Variants in SELENOF observed in about 807,000 individuals in gnomAD.
The protein encoded by SELENOF is selenoprotein F.
A neutral mutation model predicts 20.5 loss-of-function variants in SELENOF; 16 were observed. That is an observed-to-expected ratio of 0.78 (90% CI 0.53 to 1.19). The LOEUF is 1.19. SELENOF is among the 50% of genes most tolerant of loss of function. The pLI is 0.00. For missense variants in SELENOF, 215 were observed against 194.2 expected, an observed-to-expected ratio of 1.11 and a Z score of -0.64; for synonymous variants, 78 against 74.5, an observed-to-expected ratio of 1.05 and a Z score of -0.24.
At chr1:86,877,143 C>G (rs980756946) in intron 3 of SELENOF, among the ~76,000 whole-genome samples, 18 of 152,098 alleles carry the variant, frequency 1.2e-4, no homozygotes, top group Admixed American at 6.5e-5. Flanking sequence ...CAGTAAGCAT[C>G]AATAAATATT....
At chr1:86,888,487 T>C (rs1291922163) in intron 2 of SELENOF, among the ~76,000 whole-genome samples, 2 of 152,090 alleles carry the variant, frequency 1.3e-5, no homozygotes, top group African/African-American at 4.8e-5. Context: ...GTTGCCCAGG[T>C]TGGTCTCAAA....
intron 3 of SELENOF, among the ~76,000 whole-genome samples, chr1:86,880,072 C>T (rs1025910417): frequency 2.0e-5 from 3 of 152,024 alleles, no homozygotes; most frequent in Admixed American, 6.6e-5. Flanking sequence ...AATTCCCACC[C>T]GGCAAAGGAA....
chr1:86,903,167 T>TA, intron 2 of SELENOF, 114 bp downstream of exon 2: 1 of 905,732 alleles, frequency 1.1e-6, no homozygotes, highest in Non-Finnish European at 1.6e-6. Flanking sequence ...TGAGTTTTAC[T>TA]AAAAAATGTA....
At chr1:86,868,875 A>G (rs534316595) in intron 3 of SELENOF, among the ~76,000 whole-genome samples, 1 of 152,290 alleles carries the variant, frequency 6.6e-6, no homozygotes, top group Admixed American at 6.5e-5. Context: ...ATTAAAAATA[A>G]AAATGATAAA....
chr1:86,884,376 CAT>C (rs750562310), intron 2 of SELENOF, among the ~76,000 whole-genome samples: 142 of 146,428 alleles, frequency 9.7e-4, no homozygotes, highest in Non-Finnish European at 1.2e-3. Context: ...CACACACACA[CAT>C]ATACACACAC....
chr1:86,903,234 A>G (rs573680), intron 2 of SELENOF, 47 bp downstream of exon 2: 317,692 of 1,512,976 alleles, frequency 0.21, 36,864 homozygotes, highest in African/African-American at 0.45. Flanking sequence ...TTTTTACCTT[A>G]TCTCAACTAA....
intron 1 of SELENOF, chr1:86,913,810 G>A (rs1362927717): frequency 3.4e-6 from 2 of 583,316 alleles, no homozygotes; most frequent in Admixed American, 3.0e-5. Flanking sequence ...ACGTACCCAA[G>A]ACAATCTGAA....
chr1:86,904,085 A>G lies in SELENOF; in HGVS notation c.85-637T>C, dbSNP rs542729076. On this transcript the variant is annotated intron_variant, in intron 1 of 4. Transcript: ENST00000331835. ...TTTTAAAAAGGAATTTTCTTATAAGAAAAAATAATTTTTGTTTCATTTTAA... is the reference window on the plus strand; with the variant it reads ...TTTTAAAAAGGAATTTTCTTATAAGGAAAAATAATTTTTGTTTCATTTTAA... Among the ~76,000 whole-genome samples, 10 of 152,336 alleles carry G rather than the reference A, an allele frequency of 6.6e-5. No individual in the cohort carries two copies. In the South Asian group the frequency reaches 1.9e-3, roughly 28 times the overall value.
intron 1 of SELENOF, among the ~76,000 whole-genome samples, chr1:86,912,461 C>T (rs1456882438): frequency 5.9e-5 from 9 of 152,154 alleles, no homozygotes; most frequent in East Asian, 1.9e-4. Context: ...TGTCATTCCT[C>T]CCATGTAGAG....
At chr1:86,885,094 C>T (rs1659179423) in intron 2 of SELENOF, among the ~76,000 whole-genome samples, 1 of 152,092 alleles carries the variant, frequency 6.6e-6, no homozygotes, top group Admixed American at 6.6e-5. Context: ...ATTCATTAGT[C>T]TTCGGATAAA....
At chr1:86,882,429 G>T (rs933831695) in intron 2 of SELENOF, among the ~76,000 whole-genome samples, 8 of 149,956 alleles carry the variant, frequency 5.3e-5, no homozygotes, top group Admixed American at 4.0e-4. Flanking sequence ...TATTACTAGA[G>T]ATTAGGGAAA....
chr1:86,910,250 G>C (rs1273236872), intron 1 of SELENOF, among the ~76,000 whole-genome samples: 1 of 152,192 alleles, frequency 6.6e-6, no homozygotes, highest in Non-Finnish European at 1.5e-5. Context: ...GGCAGAGTTT[G>C]AGAGAAAAAG....
At chr1:86,885,203 T>C (rs1260433341) in intron 2 of SELENOF, among the ~76,000 whole-genome samples, 3 of 152,144 alleles carry the variant, frequency 2.0e-5, no homozygotes, top group African/African-American at 7.2e-5. Context: ...AAATCTGAAA[T>C]CCAAAACACT....
At chr1:86,886,717 A>C (rs557014214) in intron 2 of SELENOF, among the ~76,000 whole-genome samples, 37 of 152,284 alleles carry the variant, frequency 2.4e-4, no homozygotes, top group African/African-American at 7.5e-4. Flanking sequence ...TGTTAGGTGA[A>C]CAAAAGCAAA....
chr1:86,867,932 A>T (rs1000761887), intron 4 of SELENOF, 121 bp downstream of exon 4: 11 of 422,174 alleles, frequency 2.6e-5, no homozygotes, highest in Admixed American at 4.2e-5. Flanking sequence ...TTAAAAATTT[A>T]AATTGATACA....
chr1:86,866,335 TC>T (rs1015995199), intron 4 of SELENOF, among the ~76,000 whole-genome samples: 2 of 145,794 alleles, frequency 1.4e-5, no homozygotes, highest in African/African-American at 5.1e-5. Context: ...TGAACCCTGA[TC>T]CAAGTAAATC....
intron 1 of SELENOF, among the ~76,000 whole-genome samples, chr1:86,910,667 G>A (rs1035429426): frequency 2.7e-4 from 35 of 131,520 alleles, no homozygotes; most frequent in African/African-American, 1.0e-3. Context: ...TGATGCCACC[G>A]CACTCCAGCC....
At chr1:86,896,272 C>T (rs919339564) in intron 2 of SELENOF, among the ~76,000 whole-genome samples, 7 of 148,068 alleles carry the variant, frequency 4.7e-5, no homozygotes, top group Non-Finnish European at 8.9e-5. Flanking sequence ...GGGGGAGGGG[C>T]GGATATAGTT....
chr1:86,890,494 T>G (rs1659351735), intron 2 of SELENOF, among the ~76,000 whole-genome samples: 1 of 152,152 alleles, frequency 6.6e-6, no homozygotes, highest in South Asian at 2.1e-4. Context: ...AACTCTTTTT[T>G]TCTTTTTTAA....
Sources: gnomAD v4.1 joint callset for allele counts (sites outside exome capture counted in the v4.1 genomes callset) on GRCh38, gnomAD v4.1.1 for gene constraint, MANE v1.5 for transcripts, NCBI Gene and HGNC (gene_info 2026-07-23, HGNC 2026-07-21) for gene names.